The following UNC79 variants were observed in gnomAD, a reference collection of about 807,000 sequenced individuals.
UNC79 encodes the protein protein unc-79 homolog.
UNC79 carries 37 observed loss-of-function variants against 283.1 expected under a neutral mutation model. The ratio of observed to expected loss-of-function variants is 0.13; its 90% CI spans 0.10 to 0.17. The LOEUF is 0.17. Among genes scored for constraint, UNC79 ranks in the 10% least tolerant of loss-of-function variants. The probability of loss-of-function intolerance (pLI) is 1.00; values close to 1 mark genes in which losing one functional copy is unlikely to be tolerated. For synonymous variants in UNC79, 1,107 were observed against 1,200.2 expected (o/e 0.92, Z 1.61); for missense variants, 2,272 against 3,211.1 (o/e 0.71, Z 7.07).
At chr14:93,562,422 A>G (rs1033474251) in intron 14 of UNC79, among the ~76,000 whole-genome samples, 6 of 152,188 alleles carry the variant, frequency 3.9e-5, no homozygotes, top group Admixed American at 6.6e-5. Context: ...GGGCTGAGCA[A>G]GAAAGTGCGT....
At chr14:93,622,992 C>T (rs2067251324) in intron 30 of UNC79, 151 bp downstream of exon 32, 1 of 1,075,420 alleles carries the variant, frequency 9.3e-7, no homozygotes, top group Non-Finnish European at 1.3e-6. Context: ...CTGAATCCTT[C>T]CTGTTTAATG....
At chr14:93,628,472 CT>C (rs2067742210) in intron 30 of UNC79, among the ~76,000 whole-genome samples, 2 of 152,216 alleles carry the variant, frequency 1.3e-5, no homozygotes, top group Admixed American at 6.5e-5. Flanking sequence ...CTGTCTTTCT[CT>C]TCTCTGTTTC....
At chr14:93,457,373 G>A (rs1718066382) in intron 1 of UNC79, among the ~76,000 whole-genome samples, 1 of 152,252 alleles carries the variant, frequency 6.6e-6, no homozygotes, top group African/African-American at 2.4e-5. Flanking sequence ...AAAGTGCCGA[G>A]GAGATGCATG....
chr14:93,572,025 G>A, exon 15 of UNC79: 20 of 1,614,180 alleles, frequency 1.2e-5, no homozygotes, highest in Non-Finnish European at 1.7e-5. Flanking sequence ...CGGAATGGCT[G>A]GAAGCCATCA....
intron 12 of UNC79, among the ~76,000 whole-genome samples, chr14:93,538,543 A>C (rs1295463737): frequency 6.6e-6 from 1 of 152,098 alleles, no homozygotes; most frequent in African/African-American, 2.4e-5. Context: ...CAGTAATAGC[A>C]TTGAGGAAAG....
At chr14:93,609,847 A>T (rs2066169728) in intron 26 of UNC79, among the ~76,000 whole-genome samples, 1 of 152,252 alleles carries the variant, frequency 6.6e-6, no homozygotes, top group Non-Finnish European at 1.5e-5. Flanking sequence ...AAAGAGAGGC[A>T]ATAAACGAAG....
Position 93,576,061 on chromosome 14 carries a change from T to C in UNC79, c.2211+863T>C, listed in dbSNP as rs190043155. Reference sequence around the variant, plus strand: ...TACTTTCTTTCTTTCTTCTGTAACCTTTAAGATGACATTCCTTTGTGTAGC... The same window carrying C: ...TACTTTCTTTCTTTCTTCTGTAACCCTTAAGATGACATTCCTTTGTGTAGC... On this transcript the variant is annotated intron_variant, in intron 17 of 48. Coordinates refer to ENST00000555664, the Ensembl canonical transcript of UNC79. Among the ~76,000 whole-genome samples the C allele has an allele frequency of 7.2e-5, 11 of 152,382 alleles. No individual in the cohort carries two copies. In the East Asian group the frequency reaches 2.1e-3, roughly 29 times the overall value.
intron 1 of UNC79, among the ~76,000 whole-genome samples, chr14:93,414,623 T>C (rs2055412398): frequency 6.6e-6 from 1 of 152,214 alleles, no homozygotes; most frequent in South Asian, 2.1e-4. Flanking sequence ...TTGGGCAGTA[T>C]GGCCATTTTC....
chr14:93,419,281 G>T (rs1159914143), intron 1 of UNC79, among the ~76,000 whole-genome samples: 5 of 150,384 alleles, frequency 3.3e-5, no homozygotes, highest in Admixed American at 3.3e-4. Flanking sequence ...CAGTTGTTCT[G>T]ACTCAGCCTC....
chr14:93,421,090 GAAAT>G (rs2055589520), intron 1 of UNC79, among the ~76,000 whole-genome samples: 1 of 151,024 alleles, frequency 6.6e-6, no homozygotes, highest in South Asian at 2.1e-4. Context: ...TTAGAAGAAA[GAAAT>G]AATAAAGATC....
intron 37 of UNC79, among the ~76,000 whole-genome samples, 184 bp from the exon 41 acceptor site, chr14:93,655,050 C>T (rs896973801): frequency 1.3e-5 from 2 of 152,266 alleles, no homozygotes; most frequent in African/African-American, 2.4e-5. Flanking sequence ...CAATTTTCCC[C>T]CTTAAGTTTG....
At chr14:93,521,866 C>G (rs1388305929) in intron 7 of UNC79, among the ~76,000 whole-genome samples, 1 of 149,322 alleles carries the variant, frequency 6.7e-6, no homozygotes, top group Non-Finnish European at 1.5e-5. Flanking sequence ...AGTGCTTTTC[C>G]CAATTAGAAA....
At chr14:93,349,588 C>T (rs1595374959) in intron 1 of UNC79, among the ~76,000 whole-genome samples, 1 of 152,160 alleles carries the variant, frequency 6.6e-6, no homozygotes, top group Non-Finnish European at 1.5e-5. Context: ...CTGATCTCTC[C>T]TCTACATTCT....
chr14:93,495,130 C>A (rs2140571458), intron 5 of UNC79, among the ~76,000 whole-genome samples: 1 of 152,306 alleles, frequency 6.6e-6, no homozygotes, highest in South Asian at 2.1e-4. Context: ...TTTGGGAAAG[C>A]ATCTTGCTTT....
chr14:93,637,124 T>C, intron 31 of UNC79, 92 bp from the exon 35 acceptor site: 1 of 775,044 alleles, frequency 1.3e-6, no homozygotes, highest in Non-Finnish European at 2.4e-6. Flanking sequence ...GACCAAAAAA[T>C]TGGCCCCCAG....
intron 26 of UNC79, among the ~76,000 whole-genome samples, chr14:93,608,504 G>A (rs2139685717): frequency 6.6e-6 from 1 of 152,346 alleles, no homozygotes; most frequent in South Asian, 2.1e-4. Context: ...TATGAAGTTA[G>A]CCACTGCCCC....
At chr14:93,613,062 A>G (rs1212746433) in exon 27 of UNC79, 3 of 1,614,102 alleles carry the variant, frequency 1.9e-6, no homozygotes, top group African/African-American at 2.7e-5. Context: ...GCTTTAATGC[A>G]TTCATTGCAG....
At chr14:93,593,151 G>C (rs1218554237) in intron 22 of UNC79, among the ~76,000 whole-genome samples, 1 of 152,154 alleles carries the variant, frequency 6.6e-6, no homozygotes, top group Non-Finnish European at 1.5e-5. Context: ...ACTTTATTCA[G>C]GTTGTTGACG....
At chr14:93,473,326 AAATTT>A (rs2057622284) in intron 2 of UNC79, among the ~76,000 whole-genome samples, 1 of 152,176 alleles carries the variant, frequency 6.6e-6, no homozygotes, top group African/African-American at 2.4e-5. Flanking sequence ...CCAACATGCA[AAATTT>A]AAAAAACACA....
Sources: gnomAD v4.1 joint callset for allele counts (sites outside exome capture counted in the v4.1 genomes callset) on GRCh38, gnomAD v4.1.1 for gene constraint, MANE v1.5 for transcripts, NCBI Gene and HGNC (gene_info 2026-07-23, HGNC 2026-07-21) for gene names.